GPR174: variants seen among roughly 807,000 people sequenced by gnomAD.
GPR174 encodes probable G protein-coupled receptor 174.
In GPR174, 8 loss-of-function variants were observed where a neutral mutation model predicts 16.5. The observed-to-expected ratio is 0.48, with a 90% CI of 0.28 to 0.87. GPR174 has a LOEUF of 0.87. Among genes scored for constraint, GPR174 ranks in the 40% least tolerant of loss-of-function variants. The pLI, the probability that GPR174 is intolerant of heterozygous loss-of-function variation, is 0.09. For synonymous variants in GPR174, 111 were observed against 94.8 expected (o/e 1.17, Z -0.99); for missense variants, 214 against 247.5 (o/e 0.86, Z 0.91).
chrX:79,154,079 A>G (rs953444677), intron 1 of GPR174, among the ~76,000 whole-genome samples: 2 of 111,950 alleles, frequency 1.8e-5, no homozygotes, highest in East Asian at 2.8e-4. Flanking sequence ...GAACTTATCA[A>G]TGGATACGAC....
chrX:79,168,561 C>T (rs1224247067), intron 2 of GPR174, among the ~76,000 whole-genome samples: 1 of 108,749 alleles, frequency 9.2e-6, no homozygotes, highest in Non-Finnish European at 1.9e-5. Context: ...GATTAGCTGT[C>T]ACAGTAGTAT....
intron 1 of GPR174, 102 bp from the exon 2 acceptor site, chrX:79,156,720 T>G (rs980794932): frequency 1.8e-5 from 2 of 112,445 alleles, no homozygotes; most frequent in Non-Finnish European, 3.8e-5. Context: ...CCTGTGGTAA[T>G]TGATTTTTGG....
At chrX:79,158,531 C>T (rs1921156039) in intron 2 of GPR174, among the ~76,000 whole-genome samples, 1 of 104,896 alleles carries the variant, frequency 9.5e-6, no homozygotes, top group African/African-American at 3.5e-5. Context: ...GCAACCTCCA[C>T]CTCCCGGGTT....
In GPR174 at chrX:79,172,644, G is replaced by A. The variant is rs1238414029; in HGVS notation, c.*635G>A. 6 of 111,587 alleles carry A rather than the reference G, an allele frequency of 5.4e-5. No individual in the cohort carries two copies. The highest frequency in any genetic ancestry group is 2.0e-4 in the African/African-American group (6 of 30,663). 9.2% of individuals were successfully genotyped at this position (111,587 alleles called of 1,213,427 possible). On this transcript the variant is annotated 3_prime_UTR_variant, in exon 3 of 3. Coordinates refer to ENST00000645147, the MANE Select transcript of GPR174 (RefSeq NM_032553.3). The stretch of plus-strand genomic sequence containing the variant: ...TCACAGAATGAAAATCTGAACTCAG[G>A]CCTCTGGCATATTTAAACTAAGAAC...
In GPR174 at chrX:79,144,702, G is replaced by T. The variant is rs1926451048; in HGVS notation, c.-1169G>T. 2 of 111,136 alleles carry T rather than the reference G, an allele frequency of 1.8e-5. No individual in the cohort carries two copies. The highest frequency in any genetic ancestry group is 3.8e-5 in the Non-Finnish European group (2 of 52,965). The allele number at this position is 111,136 out of a possible 1,213,427, so 9.2% of individuals were successfully genotyped here. Reference sequence around the variant, plus strand: ...CGGAAATGTTCAGTGTACACAGAGAGTGGCTTGCATATTTCACTCTGACAT... The same window carrying T: ...CGGAAATGTTCAGTGTACACAGAGATTGGCTTGCATATTTCACTCTGACAT... On this transcript the variant is annotated 5_prime_UTR_variant, in exon 1 of 3. Coordinates refer to ENST00000645147, the MANE Select transcript of GPR174 (RefSeq NM_032553.3).
intron 1 of GPR174, among the ~76,000 whole-genome samples, chrX:79,155,682 A>AAGAG (rs35729499): frequency 1.8e-4 from 20 of 108,538 alleles, no homozygotes; most frequent in African/African-American, 5.3e-4. Context: ...AAGAAACAGA[A>AAGAG]AGAGAGAGAG....
rs1229470896 is a variant in GPR174, at chrX:79,175,022, A to ATTG, written c.*3016_*3018dup. 2.7e-5 allele frequency: 3 copies of ATTG among 111,797 alleles called. No homozygotes were observed. Among genetic ancestry groups the ATTG allele is most frequent in the Non-Finnish European group, 5.6e-5 (3 of 53,176 alleles). The allele number at this position is 111,797 out of a possible 1,213,427, so 9.2% of individuals were successfully genotyped here. On this transcript the variant is annotated 3_prime_UTR_variant, in exon 3 of 3. Coordinates refer to ENST00000645147, the MANE Select transcript of GPR174 (RefSeq NM_032553.3). ...TATGTAGTGATTTCTATGTAAAAAT[A>ATTG]TTGTTATTATTATTATATTCAAATG... is the stretch of plus-strand genomic sequence containing the variant.
chrX:79,172,945 C>T lies in GPR174; in HGVS notation c.*936C>T, dbSNP rs1045499526. 1.8e-5 allele frequency: 2 copies of T among 111,887 alleles called. No homozygotes were observed. Among genetic ancestry groups the T allele is most frequent in the African/African-American group, 6.5e-5 (2 of 30,741 alleles). 9.2% of individuals were successfully genotyped at this position (111,887 alleles called of 1,213,427 possible). A position where few individuals can be genotyped will look rare whatever the true frequency, so the allele number is the denominator to read the frequency against. On this transcript the variant is annotated 3_prime_UTR_variant, in exon 3 of 3. Coordinates refer to ENST00000645147, the MANE Select transcript of GPR174 (RefSeq NM_032553.3). ...TTGACAGGTTCCTGCACTTTCTGAG[C>T]CTGTGGAAGAAGTAGTGCACTAATG...
At chrX:79,162,926 T>TCCCA (rs955006836) in intron 2 of GPR174, among the ~76,000 whole-genome samples, 4 of 111,750 alleles carry the variant, frequency 3.6e-5, no homozygotes, top group African/African-American at 1.3e-4. Flanking sequence ...TTAGGAATTT[T>TCCCA]CCCACCCATC....
chrX:79,166,783 C>T (rs1425108203), intron 2 of GPR174, among the ~76,000 whole-genome samples: 1 of 111,337 alleles, frequency 9.0e-6, no homozygotes, highest in Non-Finnish European at 1.9e-5. Flanking sequence ...TCTAAACTTA[C>T]ACCTAAGCTT....
intron 1 of GPR174, among the ~76,000 whole-genome samples, chrX:79,146,896 C>A (rs1429201193): frequency 3.6e-5 from 4 of 110,930 alleles, no homozygotes; most frequent in Non-Finnish European, 7.6e-5. Flanking sequence ...TACCCAGAAC[C>A]AAAAAGGGAA....
rs1921604916 is a variant in GPR174, at chrX:79,174,888, C to A, written c.*2879C>A. 9.0e-6 allele frequency: 1 copy of A among 111,506 alleles called. No individual in the cohort carries two copies. Among genetic ancestry groups the A allele is most frequent in the Non-Finnish European group, 1.9e-5 (1 of 53,133 alleles). 9.2% of individuals were successfully genotyped at this position (111,506 alleles called of 1,213,427 possible). On this transcript the variant is annotated 3_prime_UTR_variant, in exon 3 of 3. Coordinates refer to ENST00000645147, the MANE Select transcript of GPR174 (RefSeq NM_032553.3). ...AAATTGTGGTGCAAAGAGTAAACAC[C>A]CTCAACCATAGTAATGTATACTTCA...
rs1196722851 is a variant in GPR174 at position 79,144,825 on chromosome X, T to G, written c.-1046T>G. The G allele has an allele frequency of 9.0e-6, 1 of 111,058 alleles. No homozygotes were observed. Among genetic ancestry groups the G allele is most frequent in the Non-Finnish European group, 1.9e-5 (1 of 52,855 alleles). 9.2% of individuals were successfully genotyped at this position (111,058 alleles called of 1,213,427 possible). On this transcript the variant is annotated 5_prime_UTR_variant, in exon 1 of 3. Transcript: ENST00000645147. Reference sequence around the variant, plus strand: ...TCATAATTTTTCTTTTGGCTTTCTTTTATTTTGTATTATTTTTACTTTTAT... The same window carrying G: ...TCATAATTTTTCTTTTGGCTTTCTTGTATTTTGTATTATTTTTACTTTTAT...
chrX:79,157,414 T>A lies in GPR174; in HGVS notation c.-557+496T>A, dbSNP rs187848470. 4.1e-3 allele frequency among the ~76,000 whole-genome samples: 462 copies of A among 112,058 alleles called. 5 individuals carry two copies. In the South Asian group the frequency reaches 0.098, roughly 24 times the overall value. ...GAATTTTATGGGCTGTTTGACCTAC[T>A]TTTTAGCTTCAAAAGGGGATTTGGG... On this transcript the variant is annotated intron_variant, in intron 2 of 2. Transcript: ENST00000645147.
chrX:79,152,087 G>A (rs1164830215), intron 1 of GPR174, among the ~76,000 whole-genome samples: 1 of 111,943 alleles, frequency 8.9e-6, no homozygotes, highest in Non-Finnish European at 1.9e-5. Flanking sequence ...ACAATGTGTG[G>A]TTTTAGATGC....
At chrX:79,149,595 G>A (rs1299911246) in intron 1 of GPR174, among the ~76,000 whole-genome samples, 1 of 111,547 alleles carries the variant, frequency 9.0e-6, no homozygotes, top group African/African-American at 3.3e-5. Flanking sequence ...GTTTATTAGG[G>A]TTAAAAAGAG....
chrX:79,145,587 T>A (rs866145907), intron 1 of GPR174, among the ~76,000 whole-genome samples: 3 of 111,974 alleles, frequency 2.7e-5, no homozygotes, highest in African/African-American at 9.7e-5. Context: ...ATAATTTTTA[T>A]CTACTCTTTG....
At chrX:79,159,467 T>C (rs957988537) in intron 2 of GPR174, among the ~76,000 whole-genome samples, 2 of 112,425 alleles carry the variant, frequency 1.8e-5, no homozygotes, top group African/African-American at 6.5e-5. Flanking sequence ...TAAGAATTAG[T>C]TTATTTTATA....
At chrX:79,168,069 A>G (rs768824359) in intron 2 of GPR174, among the ~76,000 whole-genome samples, 1 of 112,625 alleles carries the variant, frequency 8.9e-6, no homozygotes, top group African/African-American at 3.2e-5. Context: ...GATTTTCAAA[A>G]GTAAAAATGA....
Sources: allele counts gnomAD v4.1 joint callset (sites outside exome capture counted in the v4.1 genomes callset), GRCh38; gene constraint gnomAD v4.1.1; transcripts MANE v1.5; gene names NCBI Gene and HGNC (gene_info 2026-07-23, HGNC 2026-07-21).